Variants in CLUH observed in about 807,000 individuals in gnomAD.
The protein encoded by CLUH is clustered mitochondria protein homolog.
A neutral mutation model predicts 139.3 loss-of-function variants in CLUH; 77 were observed. The ratio of observed to expected loss-of-function variants is 0.55; its 90% CI spans 0.46 to 0.67. The LOEUF (loss-of-function observed/expected upper bound fraction) is 0.67. Among genes scored for constraint, CLUH ranks in the 30% least tolerant of loss-of-function variants. CLUH has a pLI of 0.00. For synonymous variants in CLUH, 999 were observed against 801.6 expected (o/e 1.25, Z -4.16); for missense variants, 1,876 against 1,875.8 (o/e 1.00, Z 0.00).
rs555396970 is a variant in CLUH, at chr17:2,703,640, C to T, written c.304-151G>A. Among the ~76,000 whole-genome samples the T allele has an allele frequency of 6.6e-6, 1 of 152,172 alleles. No homozygotes were observed. Among genetic ancestry groups the T allele is most frequent in the African/African-American group, 2.4e-5 (1 of 41,442 alleles). ...AGTACCTTGGTCCCCAGAATAAATG[C>T]CCCAAATACTCGAATATCGGCTATC... On this transcript the variant is annotated intron_variant, in intron 2 of 25. Transcript: ENST00000651024. The surrounding 1 kb of genome is among the most constrained non-coding windows in gnomAD (Gnocchi z 4.2).
chr17:2,691,530 C>T, intron 25 of CLUH, 79 bp downstream of exon 25: 8 of 1,439,966 alleles, frequency 5.6e-6, no homozygotes, highest in Non-Finnish European at 7.7e-6. Context: ...CGCCGCACTC[C>T]AGCCCGGGTG....
intron 16 of CLUH, 31 bp downstream of exon 16, chr17:2,694,826 A>ACCCCCCCCCCCCCCCCCCCCC: frequency 1.3e-6 from 1 of 796,166 alleles, no homozygotes; most frequent in African/African-American, 2.1e-5. Flanking sequence ...GCCCAATCCC[A>ACCCCCCCCCCCCCCCCCCCCC]CCCACCCCAC....
chr17:2,697,764 G>C (rs2070015235), intron 10 of CLUH, 132 bp downstream of exon 10: 2 of 890,824 alleles, frequency 2.2e-6, no homozygotes, highest in Non-Finnish European at 3.3e-6. Context: ...GGTCTCCAAT[G>C]ACTGTGGCTA....
At chr17:2,708,138 G>T in intron 1 of CLUH, 1 of 355,144 alleles carries the variant, frequency 2.8e-6, no homozygotes, top group Non-Finnish European at 3.9e-6. Context: ...CCAGTGCCCA[G>T]TAAGGGCTGC....
chr17:2,694,386 TC>T, intron 17 of CLUH, 93 bp downstream of exon 17: 1 of 1,517,942 alleles, frequency 6.6e-7, no homozygotes, highest in Non-Finnish European at 8.9e-7. Flanking sequence ...AAAAGCCACT[TC>T]CCCTGTGGCC....
chr17:2,709,945 T>C lies in CLUH; in HGVS notation c.100+1617A>G, dbSNP rs537721108. 2.6e-5 allele frequency among the ~76,000 whole-genome samples: 4 copies of C among 152,104 alleles called. No homozygotes were observed. In the South Asian group the frequency reaches 8.3e-4, roughly 32 times the overall value. On this transcript the variant is annotated intron_variant, in intron 1 of 25. Transcript: ENST00000651024. The stretch of plus-strand genomic sequence containing the variant: ...TAGCTGTGCCCTTCCCTGACTCAGT[T>C]TACCCCCGACAGAGCCCCCCCACCC...
chr17:2,696,377 C>A (rs2069944467), intron 12 of CLUH, 57 bp downstream of exon 12: 1 of 1,524,316 alleles, frequency 6.6e-7, no homozygotes, highest in Admixed American at 2.0e-5. Flanking sequence ...GGCCCAGGCC[C>A]CCCAGCGAAG....
Position 2,706,194 on chromosome 17 carries a change from C to G in CLUH, c.101-1630G>C, listed in dbSNP as rs569846305. ...TCCCAATCCGGACCCACCAGAAACACGGAGCAGGAGCCTCAGGGAAGGGAT... is the reference window on the plus strand; with the variant it reads ...TCCCAATCCGGACCCACCAGAAACAGGGAGCAGGAGCCTCAGGGAAGGGAT... On this transcript the variant is annotated intron_variant, in intron 1 of 25. Transcript: ENST00000651024. This position sits in a 1 kb window ranked among gnomAD's most constrained non-coding sequence, Gnocchi z 4.6. Among the ~76,000 whole-genome samples, 2 of 152,138 alleles carry G rather than the reference C, an allele frequency of 1.3e-5. No individual in the cohort carries two copies. Among genetic ancestry groups the G allele is most frequent in the Non-Finnish European group, 2.9e-5 (2 of 68,032 alleles).
Position 2,700,610 on chromosome 17 carries a change from G to T in CLUH, c.1173+68C>A, listed in dbSNP as rs530575882. On this transcript the variant is annotated intron_variant, in intron 8 of 25. Coordinates refer to ENST00000651024, the MANE Select transcript of CLUH (RefSeq NM_001366661.1). Reference sequence around the variant, plus strand: ...TCAAGCATGGGGCCTCCAGGGAAGTGCACGGAACCAGCCCAGCACCCAGGA... The same window carrying T: ...TCAAGCATGGGGCCTCCAGGGAAGTTCACGGAACCAGCCCAGCACCCAGGA... 33 of 1,526,806 alleles carry T rather than the reference G, an allele frequency of 2.2e-5. 1 individual carries two copies. The highest frequency in any genetic ancestry group is 5.9e-5 in the Admixed American group (3 of 50,520). 94.6% of individuals were successfully genotyped at this position (1,526,806 alleles called of 1,614,324 possible).
intron 12 of CLUH, 23 bp from the exon 13 acceptor site, chr17:2,696,282 G>A (rs1268080112): frequency 3.2e-6 from 5 of 1,553,224 alleles, no homozygotes; most frequent in Non-Finnish European, 4.4e-6. Flanking sequence ...GAGCAGAGAG[G>A]CTGAGCCAGG....
Position 2,689,928 on chromosome 17 carries a change from G to GCT in CLUH, c.*664_*665dup, listed in dbSNP as rs1200805422. 1 of 152,672 alleles carries GCT rather than the reference G, an allele frequency of 6.5e-6. No individual in the cohort carries two copies. Among genetic ancestry groups the GCT allele is most frequent in the African/African-American group, 2.4e-5 (1 of 41,406 alleles). 9.5% of individuals were successfully genotyped at this position (152,672 alleles called of 1,614,324 possible). A position where few individuals can be genotyped will look rare whatever the true frequency, so the allele number is the denominator to read the frequency against. On this transcript the variant is annotated 3_prime_UTR_variant, in exon 26 of 26. Coordinates refer to ENST00000651024, the MANE Select transcript of CLUH (RefSeq NM_001366661.1). ...GAGCCGAGTCAGAGCCACCCACTGG[G>GCT]CTCTGAGGGCCCAGCAAGCCAACCC...
rs1211271630 is a variant in CLUH at position 2,696,507 on chromosome 17, G to A, written c.2217C>T (p.Asn739=). The A allele has an allele frequency of 1.9e-5, 30 of 1,586,366 alleles. No homozygotes were observed. Among genetic ancestry groups the A allele is most frequent in the Admixed American group, 3.5e-5 (2 of 56,418 alleles). ...ADPRSREVIR[N]ACKAVGSISS... ...TGATGGAGCCGACCGCCTTGCACGC[G>A]TTGCGGATCACCTCCCGGCTCCGAG... Residue 739 remains asparagine (N), a synonymous_variant, in exon 12 of 26, where the codon AAC becomes AAT. Transcript: ENST00000651024.
In CLUH at chr17:2,689,499, C is replaced by G. The variant is rs896983845; in HGVS notation, c.*1095G>C. The G allele has an allele frequency of 2.0e-5, 3 of 152,694 alleles. No homozygotes were observed. Among genetic ancestry groups the G allele is most frequent in the Non-Finnish European group, 2.9e-5 (2 of 68,082 alleles). 9.5% of individuals were successfully genotyped at this position (152,694 alleles called of 1,614,324 possible). A position where few individuals can be genotyped will look rare whatever the true frequency, so the allele number is the denominator to read the frequency against. ...GGATGCTCTGCTTGCCCGCTCACGC[C>G]CATCCCCCTTGAAACAAGGTGTCTG... On this transcript the variant is annotated 3_prime_UTR_variant, in exon 26 of 26. Coordinates refer to ENST00000651024, the MANE Select transcript of CLUH (RefSeq NM_001366661.1).
chr17:2,695,685 A>G, intron 13 of CLUH, 159 bp from the exon 14 acceptor site: 1 of 1,007,260 alleles, frequency 9.9e-7, no homozygotes. Flanking sequence ...CTCTGGCAGG[A>G]GCGCAGGCCA....
chr17:2,708,863 G>A (rs939953412), intron 1 of CLUH, among the ~76,000 whole-genome samples: 9 of 73,384 alleles, frequency 1.2e-4, no homozygotes, highest in East Asian at 6.0e-4. Flanking sequence ...CTCTACTCGG[G>A]GGGGGGGGAG....
rs1289583714 is a variant in CLUH at position 2,696,248 on chromosome 17, G to A, written c.2302C>T (p.Pro768Ser). 6.4e-7 allele frequency: 1 copy of A among 1,573,274 alleles called. No individual in the cohort carries two copies. Among genetic ancestry groups the A allele is most frequent in the African/African-American group, 1.4e-5 (1 of 73,940 alleles). Reference protein sequence around the residue: ...PDIFSPGVRFPESCQDEVRDQ... With the variant: ...PDIFSPGVRFSESCQDEVRDQ... ...CGAACTTCATCCTGGCAGGACTCAG[G>A]GAAACGAACCCCTGGAGGAGGGAGA... The change falls in exon 13 of 26, where the codon CCT becomes TCT. Residue 768 changes from proline (P) to serine (S), a missense_variant. Pro to Ser is a moderately conservative substitution (Grantham distance 74). Transcript: ENST00000651024.
intron 25 of CLUH, 23 bp downstream of exon 25, chr17:2,691,586 C>T (rs368571722): frequency 1.2e-4 from 197 of 1,608,382 alleles, no homozygotes; most frequent in Non-Finnish European, 1.6e-4. Context: ...CCGGGAGACA[C>T]TCGAGTGGGG....
intron 21 of CLUH, 35 bp downstream of exon 21, chr17:2,692,536 C>T: frequency 1.2e-6 from 2 of 1,601,268 alleles, no homozygotes; most frequent in Non-Finnish European, 1.7e-6. Context: ...TGGGATGGAG[C>T]TGGGTCCCTG....
intron 1 of CLUH, among the ~76,000 whole-genome samples, chr17:2,708,791 T>C (rs1597630013): frequency 7.4e-6 from 1 of 134,934 alleles, no homozygotes; most frequent in African/African-American, 2.7e-5. Flanking sequence ...ACCCACCCCC[T>C]CCCGAGGGGC....
Sources: allele counts gnomAD v4.1 joint callset (sites outside exome capture counted in the v4.1 genomes callset), GRCh38; gene constraint gnomAD v4.1.1; non-coding constraint Gnocchi (gnomAD v3.1); transcripts MANE v1.5; gene names NCBI Gene and HGNC (gene_info 2026-07-23, HGNC 2026-07-21).